The following PRKCE variants were observed in gnomAD, a reference collection of about 807,000 sequenced individuals.
The protein encoded by PRKCE is protein kinase C epsilon, also known as protein kinase C epsilon type.
PRKCE carries 16 observed loss-of-function variants against 85.4 expected under a neutral mutation model. That is an observed-to-expected ratio of 0.19 (90% CI 0.13 to 0.28). The LOEUF is 0.28. PRKCE is among the 10% of genes least tolerant of loss of function. PRKCE has a pLI of 1.00. For synonymous variants in PRKCE, 388 were observed against 371.5 expected (o/e 1.04, Z -0.51); for missense variants, 573 against 975.2 (o/e 0.59, Z 5.49).
At chr2:45,985,292 T>G (rs1037762743) in intron 6 of PRKCE, among the ~76,000 whole-genome samples, 1 of 152,156 alleles carries the variant, frequency 6.6e-6, no homozygotes, top group African/African-American at 2.4e-5. Context: ...TCCTGTTTCC[T>G]GCCGTGCCAC....
rs1696884983 is a variant in PRKCE at position 45,905,230 on chromosome 2, G to A, written c.412+62167G>A. Among the ~76,000 whole-genome samples, 1 of 152,206 alleles carries A rather than the reference G, an allele frequency of 6.6e-6. No homozygotes were observed. The highest frequency in any genetic ancestry group is 6.5e-5 in the Admixed American group (1 of 15,284). Reference sequence around the variant, plus strand: ...TATGGCCAAGCCTCAGGAACCTCTTGGCTGGCTCTCCAACATAGCCCACGC... The same window carrying A: ...TATGGCCAAGCCTCAGGAACCTCTTAGCTGGCTCTCCAACATAGCCCACGC... On this transcript the variant is annotated intron_variant, in intron 2 of 14. Coordinates refer to ENST00000306156, the MANE Select transcript of PRKCE (RefSeq NM_005400.3). This position sits in a 1 kb window ranked among gnomAD's most constrained non-coding sequence, Gnocchi z 4.4.
At chr2:45,861,996 T>A (rs534096253) in intron 2 of PRKCE, among the ~76,000 whole-genome samples, 5 of 152,310 alleles carry the variant, frequency 3.3e-5, no homozygotes. Flanking sequence ...TACGCCAGCA[T>A]AGTGTACACA....
At chr2:45,732,937 C>T (rs1165464286) in intron 1 of PRKCE, among the ~76,000 whole-genome samples, 3 of 152,150 alleles carry the variant, frequency 2.0e-5, no homozygotes, top group Non-Finnish European at 4.4e-5. Context: ...GGGTCGACGA[C>T]TTTCTTTAAA....
In PRKCE at chr2:45,874,980, T is replaced by C. The variant is rs563005130; in HGVS notation, c.412+31917T>C. ...TTTTTCTCATTACGGAAAGGGGAAA[T>C]GTAGATGTCGACATACTAAATATGA... On this transcript the variant is annotated intron_variant, in intron 2 of 14. Transcript: ENST00000306156. Among the ~76,000 whole-genome samples, 14 of 152,202 alleles carry C rather than the reference T, an allele frequency of 9.2e-5. No homozygotes were observed. In the South Asian group the frequency reaches 1.9e-3, roughly 20 times the overall value.
At chr2:46,118,775 G>A (rs1488615511) in intron 11 of PRKCE, among the ~76,000 whole-genome samples, 1 of 152,198 alleles carries the variant, frequency 6.6e-6, no homozygotes, top group Non-Finnish European at 1.5e-5. Flanking sequence ...AGAGATGGAT[G>A]GGAGTCGCTG....
chr2:45,669,137 C>T (rs982412036), intron 1 of PRKCE, among the ~76,000 whole-genome samples: 1 of 152,144 alleles, frequency 6.6e-6, no homozygotes, highest in African/African-American at 2.4e-5. Flanking sequence ...CTCATTGCTT[C>T]CTTATCCCTA....
chr2:45,889,276 C>T (rs1387671825), intron 2 of PRKCE, among the ~76,000 whole-genome samples: 2 of 152,006 alleles, frequency 1.3e-5, no homozygotes, highest in African/African-American at 2.4e-5. Flanking sequence ...GGGAGAAAGC[C>T]GACTCCACCT....
At chr2:46,097,899 G>A (rs1271905920) in intron 11 of PRKCE, among the ~76,000 whole-genome samples, 1 of 152,172 alleles carries the variant, frequency 6.6e-6, no homozygotes, top group Non-Finnish European at 1.5e-5. Context: ...CCTAACAAAG[G>A]GGAAGGGAGG....
intron 11 of PRKCE, among the ~76,000 whole-genome samples, chr2:46,111,974 C>T (rs563537478): frequency 3.0e-4 from 46 of 152,284 alleles, no homozygotes; most frequent in Admixed American, 7.2e-4. Context: ...CAACACTTGT[C>T]GTTATCTGTT....
At chr2:46,167,160 G>A (rs1031158522) in intron 14 of PRKCE, among the ~76,000 whole-genome samples, 10 of 152,192 alleles carry the variant, frequency 6.6e-5, no homozygotes, top group Admixed American at 4.6e-4. Context: ...GGAGGTTGGT[G>A]TGATGTTTGG....
intron 1 of PRKCE, among the ~76,000 whole-genome samples, chr2:45,776,903 A>G (rs976451870): frequency 6.6e-6 from 1 of 152,166 alleles, no homozygotes; most frequent in African/African-American, 2.4e-5. Context: ...TCTTCTCTCA[A>G]GGAATCACCC....
Position 45,779,800 on chromosome 2 carries a change from CTAT to C in PRKCE, c.349-63195_349-63193del, listed in dbSNP as rs200272925. Among the ~76,000 whole-genome samples the C allele has an allele frequency of 7.6e-3, 1,164 of 152,162 alleles. 5 individuals are homozygous for C. The highest frequency in any genetic ancestry group is 0.014 in the Middle Eastern group (4 of 294). On this transcript the variant is annotated intron_variant, in intron 1 of 14. Coordinates refer to ENST00000306156, the MANE Select transcript of PRKCE (RefSeq NM_005400.3). ...TTATTTTAATAGGGTTATGTTTTAA[CTAT>C]TATTTTATAATTTCCTTGTCATCAA...
intron 10 of PRKCE, among the ~76,000 whole-genome samples, chr2:46,029,697 T>TG (rs947770982): frequency 6.6e-6 from 1 of 151,478 alleles, no homozygotes; most frequent in African/African-American, 2.4e-5. Flanking sequence ...TTTTTTTTTT[T>TG]TGTGGGAAAG....
intron 2 of PRKCE, among the ~76,000 whole-genome samples, chr2:45,971,052 G>A (rs1045926127): frequency 1.3e-5 from 2 of 151,988 alleles, no homozygotes; most frequent in Non-Finnish European, 2.9e-5. Flanking sequence ...TACGCTTTCA[G>A]CAAATTAAGT....
intron 2 of PRKCE, among the ~76,000 whole-genome samples, chr2:45,865,591 G>C (rs544214544): frequency 6.6e-6 from 1 of 152,294 alleles, no homozygotes; most frequent in Admixed American, 6.5e-5. Flanking sequence ...AGCCGTGAGA[G>C]AGACTCGCTT....
At chr2:46,152,963 T>C (rs1428579248) in intron 13 of PRKCE, among the ~76,000 whole-genome samples, 2 of 152,128 alleles carry the variant, frequency 1.3e-5, no homozygotes, top group African/African-American at 2.4e-5. Flanking sequence ...CCCTTTTCTG[T>C]AGTTTTTTTT....
intron 1 of PRKCE, among the ~76,000 whole-genome samples, chr2:45,714,262 A>G (rs4953243): frequency 0.86 from 130,953 of 152,186 alleles, 56,686 homozygotes; most frequent in African/African-American, 0.94. Context: ...AGAGAGACAC[A>G]GAGCTAAGAT....
chr2:45,878,811 TTCTG>T (rs1309977532), intron 2 of PRKCE, among the ~76,000 whole-genome samples: 2 of 152,246 alleles, frequency 1.3e-5, no homozygotes, highest in Non-Finnish European at 2.9e-5. Context: ...GCACTTATTT[TTCTG>T]TCTGTTTCAT....
chr2:45,927,023 G>A (rs765849317), intron 2 of PRKCE, among the ~76,000 whole-genome samples: 3 of 152,052 alleles, frequency 2.0e-5, no homozygotes, highest in East Asian at 1.9e-4. Flanking sequence ...ATACATGAAC[G>A]TGTGAGTGTG....
Sources: gnomAD v4.1 joint callset for allele counts (sites outside exome capture counted in the v4.1 genomes callset) on GRCh38, gnomAD v4.1.1 for gene constraint, Gnocchi (gnomAD v3.1) non-coding constraint, MANE v1.5 for transcripts, NCBI Gene and HGNC (gene_info 2026-07-23, HGNC 2026-07-21) for gene names.